Variants in IYD observed in about 807,000 individuals in gnomAD.
IYD encodes iodotyrosine deiodinase 1.
Under a neutral mutation model 28.4 loss-of-function variants are expected in IYD, and 25 were observed. The ratio of observed to expected loss-of-function variants is 0.88; its 90% CI spans 0.64 to 1.23. The LOEUF (loss-of-function observed/expected upper bound fraction) is 1.23, where lower values mean the gene tolerates loss of function less well. Ranked by LOEUF, IYD falls within the 50% of genes most tolerant of loss-of-function variation. IYD has a pLI of 0.00. For missense variants in IYD, 352 were observed against 357.9 expected, an observed-to-expected ratio of 0.98 and a Z score of 0.13; for synonymous variants, 140 against 130.8, an observed-to-expected ratio of 1.07 and a Z score of -0.48.
chr6:150,370,350 CGTGTGTGCAT>C, intron 1 of IYD: 1 of 263,546 alleles, frequency 3.8e-6, no homozygotes, highest in Non-Finnish European at 5.8e-6. Flanking sequence ...TGAGTGTGCA[CGTGTGTGCAT>C]GAGTGTGTGT....
At chr6:150,388,997 C>T (rs1046462719) in intron 1 of IYD, among the ~76,000 whole-genome samples, 6 of 152,186 alleles carry the variant, frequency 3.9e-5, no homozygotes, top group South Asian at 2.1e-4. Flanking sequence ...CCACCACGCC[C>T]GGACTTTTCT....
intron 4 of IYD, 135 bp from the exon 5 acceptor site, chr6:150,397,920 A>G: frequency 1.2e-6 from 1 of 844,298 alleles, no homozygotes; most frequent in Non-Finnish European, 2.0e-6. Flanking sequence ...TTGAGCTGGC[A>G]GCCTCTTTGC....
Position 150,369,052 on chromosome 6 carries a change from C to T in IYD, c.21C>T (p.Ile7=). 1 of 1,614,028 alleles carries T rather than the reference C, an allele frequency of 6.2e-7. No individual in the cohort carries two copies. Among genetic ancestry groups the T allele is most frequent in the South Asian group, 1.1e-5 (1 of 91,090 alleles). The change falls in exon 1 of 5, where the codon ATC becomes ATT. Residue 7 remains isoleucine, a synonymous_variant. Coordinates refer to ENST00000344419, the MANE Select transcript of IYD (RefSeq NM_203395.3). MYFLTP[I]LVAILCILVV... ...AGACCATGTATTTCCTGACTCCCAT[C>T]TTGGTAGCCATTCTCTGCATTTTGG...
chr6:150,385,681 T>C (rs1007947493), intron 1 of IYD, among the ~76,000 whole-genome samples: 2 of 152,000 alleles, frequency 1.3e-5, no homozygotes, highest in African/African-American at 4.8e-5. Context: ...GCCCTACTTA[T>C]GTTTGGTATC....
intron 1 of IYD, among the ~76,000 whole-genome samples, chr6:150,381,768 A>G (rs573822224): frequency 3.9e-5 from 6 of 152,310 alleles, no homozygotes; most frequent in African/African-American, 1.4e-4. Flanking sequence ...TTGCTGTTTT[A>G]TATTTGTAAG....
chr6:150,394,047 G>C (rs557794199), intron 3 of IYD, 52 bp from the exon 4 acceptor site: 3 of 1,572,134 alleles, frequency 1.9e-6, no homozygotes, highest in Admixed American at 1.7e-5. Flanking sequence ...GGTAGTAAAA[G>C]AGAACAAAAA....
chr6:150,394,742 A>G (rs941233159), intron 4 of IYD, among the ~76,000 whole-genome samples: 1 of 152,288 alleles, frequency 6.6e-6, no homozygotes, highest in Non-Finnish European at 1.5e-5. Context: ...CAATGCTAAC[A>G]TGAAATGGAG....
At chr6:150,379,642 T>G (rs1777576107) in intron 1 of IYD, among the ~76,000 whole-genome samples, 1 of 152,238 alleles carries the variant, frequency 6.6e-6, no homozygotes, top group African/African-American at 2.4e-5. Context: ...CCTTCAATCC[T>G]TTCCCTAAAA....
At chr6:150,370,649 A>G in intron 1 of IYD, 1 of 985,392 alleles carries the variant, frequency 1.0e-6, no homozygotes, top group South Asian at 4.7e-5. Flanking sequence ...TCCAGGGAAC[A>G]TCTGCTGTGA....
At position 150,403,525 on chromosome 6, in the gene IYD, T is replaced by G. The variant is rs1439014256; in HGVS notation, c.*5288T>G. 1 of 152,146 alleles carries G rather than the reference T, an allele frequency of 6.6e-6. No individual in the cohort carries two copies. Among genetic ancestry groups the G allele is most frequent in the Non-Finnish European group, 1.5e-5 (1 of 68,052 alleles). 9.4% of individuals were successfully genotyped at this position (152,146 alleles called of 1,614,324 possible). ...TGGTAAGGAACTCCCAGCAGGGTAG[T>G]GGAGGGAATGGGCTGACGCATCTAA... On this transcript the variant is annotated 3_prime_UTR_variant, in exon 5 of 5. Coordinates refer to ENST00000344419, the MANE Select transcript of IYD (RefSeq NM_203395.3).
intron 1 of IYD, among the ~76,000 whole-genome samples, chr6:150,383,684 C>T (rs545498631): frequency 1.3e-5 from 2 of 150,544 alleles, no homozygotes; most frequent in East Asian, 2.0e-4. Context: ...GATTTATGGT[C>T]GGGTGCAGTG....
At chr6:150,393,841 G>A (rs1778210509) in intron 3 of IYD, among the ~76,000 whole-genome samples, 1 of 152,184 alleles carries the variant, frequency 6.6e-6, no homozygotes, top group South Asian at 2.1e-4. Flanking sequence ...TGCATGCTGG[G>A]TAATAGGACC....
At chr6:150,395,667 G>C (rs1403946818) in intron 4 of IYD, 1 of 988,540 alleles carries the variant, frequency 1.0e-6, no homozygotes, top group Non-Finnish European at 1.5e-6. Context: ...ATTAGTGATG[G>C]AGGAAAGAAA....
intron 1 of IYD, chr6:150,370,724 G>T: frequency 1.1e-6 from 1 of 919,944 alleles, no homozygotes; most frequent in South Asian, 5.0e-5. Context: ...GAATGCAGTG[G>T]AAGGCGTGGA....
chr6:150,370,389 G>T, intron 1 of IYD: 3 of 597,448 alleles, frequency 5.0e-6, no homozygotes, highest in Non-Finnish European at 6.3e-6. Flanking sequence ...ATGAGTTTGT[G>T]TGTGCATGCA....
chr6:150,378,254 G>A (rs1275254054), intron 1 of IYD, among the ~76,000 whole-genome samples: 1 of 149,482 alleles, frequency 6.7e-6, no homozygotes, highest in African/African-American at 2.5e-5. Flanking sequence ...ATGTATACAT[G>A]TGCCATGCTG....
chr6:150,385,067 G>T (rs1755099326), intron 1 of IYD: 1 of 152,166 alleles, frequency 6.6e-6, no homozygotes, highest in African/African-American at 2.4e-5. Flanking sequence ...GAACAGGAGG[G>T]TAATGGGGAA....
intron 1 of IYD, among the ~76,000 whole-genome samples, chr6:150,377,328 G>A (rs1777483045): frequency 6.6e-6 from 1 of 152,190 alleles, no homozygotes; most frequent in Non-Finnish European, 1.5e-5. Flanking sequence ...CTTGCCTCTG[G>A]CTGAGGGCCA....
chr6:150,376,717 C>T (rs1157860816), intron 1 of IYD, among the ~76,000 whole-genome samples: 5 of 152,104 alleles, frequency 3.3e-5, no homozygotes, highest in Admixed American at 6.6e-5. Flanking sequence ...CCTCAAACTC[C>T]TGGACTCAAG....
Sources: gnomAD v4.1 joint callset for allele counts (sites outside exome capture counted in the v4.1 genomes callset) on GRCh38, gnomAD v4.1.1 for gene constraint, MANE v1.5 for transcripts, NCBI Gene and HGNC (gene_info 2026-07-23, HGNC 2026-07-21) for gene names.